Variants in TNFAIP8 observed in about 807,000 individuals in gnomAD.
TNFAIP8 encodes the protein tumor necrosis factor alpha-induced protein 8.
A neutral mutation model predicts 13.3 loss-of-function variants in TNFAIP8; 7 were observed. That is an observed-to-expected ratio of 0.52 (90% CI 0.30 to 0.99). TNFAIP8 has a LOEUF of 0.99. Ranked by LOEUF, TNFAIP8 falls within the 50% of genes least tolerant of loss-of-function variation. The probability of loss-of-function intolerance (pLI) is 0.07; values close to 1 mark genes in which losing one functional copy is unlikely to be tolerated. For missense variants in TNFAIP8, 258 were observed against 236.9 expected (o/e 1.09, Z -0.58); for synonymous variants, 94 against 87.6 (o/e 1.07, Z -0.41).
At chr5:119,390,050 A>G (rs1013780183) in intron 1 of TNFAIP8, among the ~76,000 whole-genome samples, 1 of 152,192 alleles carries the variant, frequency 6.6e-6, no homozygotes, top group Admixed American at 6.5e-5. Context: ...AAGAGGTGTA[A>G]ACATGAAAGT....
intron 1 of TNFAIP8, among the ~76,000 whole-genome samples, chr5:119,390,762 G>A (rs1008948748): frequency 1.3e-5 from 2 of 152,040 alleles, no homozygotes; most frequent in African/African-American, 4.8e-5. Flanking sequence ...TATATACCAC[G>A]AACTACTTTG....
At chr5:119,388,328 T>C (rs1472317650) in intron 1 of TNFAIP8, among the ~76,000 whole-genome samples, 1 of 152,238 alleles carries the variant, frequency 6.6e-6, no homozygotes. Context: ...TTCTACCTTT[T>C]AATACAACAA....
At chr5:119,364,517 T>A (rs1751757649) in intron 1 of TNFAIP8, among the ~76,000 whole-genome samples, 1 of 152,086 alleles carries the variant, frequency 6.6e-6, no homozygotes, top group Non-Finnish European at 1.5e-5. Context: ...CAGCTAATTT[T>A]TAAATTGTTT....
At chr5:119,374,207 T>C (rs2112821126) in intron 1 of TNFAIP8, among the ~76,000 whole-genome samples, 1 of 150,216 alleles carries the variant, frequency 6.7e-6, no homozygotes, top group East Asian at 1.9e-4. Flanking sequence ...TTTTTTCAGA[T>C]TTTTGGAATA....
intron 1 of TNFAIP8, among the ~76,000 whole-genome samples, chr5:119,365,674 G>A (rs1243059961): frequency 2.0e-5 from 3 of 152,142 alleles, no homozygotes; most frequent in Non-Finnish European, 2.9e-5. Context: ...AAATATTAGT[G>A]CACTGAGTGT....
chr5:119,285,932 A>C (rs538341180), intron 1 of TNFAIP8, among the ~76,000 whole-genome samples: 1 of 152,348 alleles, frequency 6.6e-6, no homozygotes, highest in Non-Finnish European at 1.5e-5. Context: ...ATTATGTGTA[A>C]AAAGGCATAT....
intron 1 of TNFAIP8, among the ~76,000 whole-genome samples, chr5:119,301,404 CA>C (rs1189316759): frequency 6.6e-6 from 1 of 152,034 alleles, no homozygotes; most frequent in Non-Finnish European, 1.5e-5. Flanking sequence ...TTCAAAGCCC[CA>C]AATAAAAAAA....
At position 119,399,581 on chromosome 5, in the gene TNFAIP8, C is replaced by T. The variant is rs1753149214; in HGVS notation, c.*6200C>T. The T allele has an allele frequency of 1.3e-5, 2 of 152,076 alleles. No homozygotes were observed. Among genetic ancestry groups the T allele is most frequent in the Admixed American group, 1.3e-4 (2 of 15,276 alleles). The allele number at this position is 152,076 out of a possible 1,614,324, so 9.4% of individuals were successfully genotyped here. ...CTCCTTAAAAAAAAATCGGTTTTTG[C>T]TTTCAATTTAGGAAAATTGTTTTGG... On this transcript the variant is annotated 3_prime_UTR_variant, in exon 2 of 2. Coordinates refer to ENST00000504771, the MANE Select transcript of TNFAIP8 (RefSeq NM_014350.4).
At chr5:119,331,558 G>A (rs7704026) in intron 1 of TNFAIP8, among the ~76,000 whole-genome samples, 14,498 of 152,214 alleles carry the variant, frequency 0.095, 800 homozygotes, top group African/African-American at 0.16. Context: ...TGGGTGTAGA[G>A]GTGCCCACTG....
intron 1 of TNFAIP8, among the ~76,000 whole-genome samples, chr5:119,376,609 T>C (rs1348742620): frequency 6.6e-6 from 1 of 150,544 alleles, no homozygotes; most frequent in Non-Finnish European, 1.5e-5. Context: ...AGAATGCTTT[T>C]AATCCAGCAG....
chr5:119,332,454 C>G (rs1750413838), intron 1 of TNFAIP8, among the ~76,000 whole-genome samples: 1 of 152,068 alleles, frequency 6.6e-6, no homozygotes, highest in African/African-American at 2.4e-5. Flanking sequence ...CCATCACCTT[C>G]CACTTTTTTT....
chr5:119,328,812 G>A (rs993282958), intron 1 of TNFAIP8, among the ~76,000 whole-genome samples: 4 of 152,168 alleles, frequency 2.6e-5, no homozygotes, highest in Non-Finnish European at 5.9e-5. Flanking sequence ...AATTAGTTTA[G>A]TATTTTATTA....
chr5:119,368,819 A>G (rs571774586), intron 1 of TNFAIP8, among the ~76,000 whole-genome samples: 2 of 152,262 alleles, frequency 1.3e-5, no homozygotes, highest in South Asian at 4.1e-4. Flanking sequence ...GTTCTGGGGC[A>G]GGACATGGCT....
At chr5:119,333,604 G>A (rs1750453704) in intron 1 of TNFAIP8, 2 of 1,535,566 alleles carry the variant, frequency 1.3e-6, no homozygotes, top group South Asian at 2.4e-5. Context: ...CCTTCTGATT[G>A]CACACGGGGA....
chr5:119,311,635 G>C (rs1015856234), intron 1 of TNFAIP8, among the ~76,000 whole-genome samples: 2 of 120,952 alleles, frequency 1.7e-5, no homozygotes, highest in African/African-American at 3.2e-5. Flanking sequence ...GTTGCAGTGA[G>C]CCAAAATTGC....
At chr5:119,331,632 G>T (rs554071609) in intron 1 of TNFAIP8, among the ~76,000 whole-genome samples, 41 of 152,144 alleles carry the variant, frequency 2.7e-4, no homozygotes, top group Admixed American at 5.9e-4. Flanking sequence ...GTGCCTCCCC[G>T]ACTGGGCCTG....
At chr5:119,350,998 C>CTGTG (rs70982476) in intron 1 of TNFAIP8, among the ~76,000 whole-genome samples, 6,199 of 137,902 alleles carry the variant, frequency 0.045, 184 homozygotes, top group East Asian at 0.09. Context: ...GGGTCTCACT[C>CTGTG]TGTGTGTGTG....
In TNFAIP8 at chr5:119,356,216, G is replaced by A. The variant is rs187970899; in HGVS notation, c.31+95G>A. ...AGAGGATGGGAGTTTTAAAGTGAGCGGTGGGCACTTTGTCCGCTTGCCCTG... is the reference window on the plus strand; with the variant it reads ...AGAGGATGGGAGTTTTAAAGTGAGCAGTGGGCACTTTGTCCGCTTGCCCTG... On this transcript the variant is annotated intron_variant, in intron 1 of 1. Coordinates refer to ENST00000504771, the MANE Select transcript of TNFAIP8 (RefSeq NM_014350.4). The A allele has an allele frequency of 4.8e-5, 56 of 1,165,736 alleles. No individual in the cohort carries two copies. The African/African-American group carries it at 8.2e-4, about 17-fold the overall frequency. 72.2% of individuals were successfully genotyped at this position (1,165,736 alleles called of 1,614,324 possible).
intron 1 of TNFAIP8, among the ~76,000 whole-genome samples, chr5:119,309,090 A>G (rs1251326503): frequency 6.6e-6 from 1 of 152,194 alleles, no homozygotes; most frequent in Non-Finnish European, 1.5e-5. Context: ...TTTGTGAAAT[A>G]CAAAGATCAA....
Sources: gnomAD v4.1 joint callset for allele counts (sites outside exome capture counted in the v4.1 genomes callset) on GRCh38, gnomAD v4.1.1 for gene constraint, MANE v1.5 for transcripts, NCBI Gene and HGNC (gene_info 2026-07-23, HGNC 2026-07-21) for gene names.